ADCY8: variants seen among roughly 807,000 people sequenced by gnomAD.
ADCY8 encodes the protein adenylate cyclase 8.
Under a neutral mutation model 119.7 loss-of-function variants are expected in ADCY8, and 51 were observed. That is an observed-to-expected ratio of 0.43 (90% CI 0.34 to 0.54). ADCY8 has a LOEUF of 0.54. Ranked by LOEUF, ADCY8 falls within the 20% of genes least tolerant of loss-of-function variation. The probability of loss-of-function intolerance (pLI) is 0.03; values close to 1 mark genes in which losing one functional copy is unlikely to be tolerated. For missense variants in ADCY8, 1,383 were observed against 1,598.8 expected, an observed-to-expected ratio of 0.87 and a Z score of 2.30; for synonymous variants, 665 against 651.0, an observed-to-expected ratio of 1.02 and a Z score of -0.33.
intron 2 of ADCY8, among the ~76,000 whole-genome samples, chr8:130,960,880 C>T (rs1259401198): frequency 2.6e-5 from 4 of 152,112 alleles, no homozygotes; most frequent in East Asian, 3.9e-4. Context: ...TTCTCATAGG[C>T]AGGCCAATCC....
chr8:130,831,619 C>T (rs1268681599), intron 12 of ADCY8, among the ~76,000 whole-genome samples: 2 of 152,126 alleles, frequency 1.3e-5, no homozygotes, highest in Non-Finnish European at 2.9e-5. Flanking sequence ...TAAATGTTGA[C>T]CTGTGTAGTA....
chr8:130,948,821 G>A (rs1167603850), intron 3 of ADCY8, among the ~76,000 whole-genome samples: 1 of 152,020 alleles, frequency 6.6e-6, no homozygotes, highest in Non-Finnish European at 1.5e-5. Context: ...TCCGACTTGG[G>A]CTAGGGACCG....
intron 1 of ADCY8, 144 bp downstream of exon 1, chr8:131,039,230 C>A: frequency 8.3e-7 from 1 of 1,209,590 alleles, no homozygotes; most frequent in East Asian, 2.4e-5. Context: ...CGCTAACACT[C>A]AAGACCTCCT....
intron 2 of ADCY8, among the ~76,000 whole-genome samples, chr8:130,987,059 C>A (rs1204695894): frequency 6.6e-6 from 1 of 152,168 alleles, no homozygotes; most frequent in Non-Finnish European, 1.5e-5. Flanking sequence ...TTATTGGGCT[C>A]TCTCTCTACA....
intron 13 of ADCY8, among the ~76,000 whole-genome samples, chr8:130,819,872 A>G (rs1816454455): frequency 6.6e-6 from 1 of 152,204 alleles, no homozygotes; most frequent in African/African-American, 2.4e-5. Flanking sequence ...GTCAAAGCAT[A>G]TTGCAAGATG....
intron 11 of ADCY8, among the ~76,000 whole-genome samples, chr8:130,842,819 C>A (rs1384862355): frequency 1.3e-5 from 2 of 148,440 alleles, no homozygotes; most frequent in Admixed American, 6.9e-5. Context: ...TTGTAGTGAG[C>A]CGAGATTGCA....
At chr8:130,961,336 C>A (rs1821597400) in intron 2 of ADCY8, among the ~76,000 whole-genome samples, 2 of 152,070 alleles carry the variant, frequency 1.3e-5, no homozygotes, top group Admixed American at 6.6e-5. Context: ...TCTTGAACTC[C>A]TGACCTCAAG....
intron 2 of ADCY8, among the ~76,000 whole-genome samples, chr8:130,983,443 A>C (rs936595618): frequency 6.6e-6 from 1 of 152,146 alleles, no homozygotes; most frequent in African/African-American, 2.4e-5. Flanking sequence ...TAAAGGCCAC[A>C]CTCCAGGGGC....
At chr8:130,850,104 C>T (rs1817471334) in intron 9 of ADCY8, among the ~76,000 whole-genome samples, 1 of 152,116 alleles carries the variant, frequency 6.6e-6, no homozygotes, top group South Asian at 2.1e-4. Flanking sequence ...CAACACACCA[C>T]TCTAGTTTGA....
chr8:130,884,557 G>A lies in ADCY8; in HGVS notation c.2109+7C>T. 1 of 1,613,558 alleles carries A rather than the reference G, an allele frequency of 6.2e-7. No individual in the cohort carries two copies. The highest frequency in any genetic ancestry group is 1.1e-5 in the South Asian group (1 of 91,074). On this transcript the variant is annotated splice_region_variant and intron_variant, in intron 8 of 17. Coordinates refer to ENST00000286355, the MANE Select transcript of ADCY8 (RefSeq NM_001115.3). The stretch of plus-strand genomic sequence containing the variant: ...GAAAAAGAGCCGCTGTGGAGACCCA[G>A]CTCTACCTTGTGCTCCAGGCTGGAG...
chr8:130,858,857 G>T (rs1288072770), intron 9 of ADCY8, among the ~76,000 whole-genome samples: 2 of 151,822 alleles, frequency 1.3e-5, no homozygotes, highest in Non-Finnish European at 2.9e-5. Context: ...GGGCTCTTTT[G>T]TTGGTTCCTG....
intron 15 of ADCY8, among the ~76,000 whole-genome samples, chr8:130,791,399 G>C (rs1172292134): frequency 6.6e-6 from 1 of 152,238 alleles, no homozygotes; most frequent in Non-Finnish European, 1.5e-5. Flanking sequence ...CCGGTAAGCG[G>C]AGTGGGCTGG....
At chr8:131,032,991 G>A (rs1481403517) in intron 1 of ADCY8, among the ~76,000 whole-genome samples, 2 of 152,136 alleles carry the variant, frequency 1.3e-5, no homozygotes, top group South Asian at 4.1e-4. Flanking sequence ...TAATCTTCAT[G>A]TTCTGTTACT....
At chr8:130,847,149 AAAGG>A (rs1817355585) in intron 11 of ADCY8, among the ~76,000 whole-genome samples, 1 of 152,076 alleles carries the variant, frequency 6.6e-6, no homozygotes, top group Non-Finnish European at 1.5e-5. Flanking sequence ...AAAAGGAAGA[AAAGG>A]AAGAGAAAGA....
chr8:130,869,817 G>A (rs115635786), intron 8 of ADCY8, among the ~76,000 whole-genome samples: 1,827 of 151,558 alleles, frequency 0.012, 17 homozygotes, highest in African/African-American at 0.02. Context: ...GCACCCGGCC[G>A]GCTACTGGTT....
rs962165832 is a variant in ADCY8, at chr8:130,975,531, G to A, written c.1110+14862C>T. The stretch of plus-strand genomic sequence containing the variant: ...ACTCTGGGGACACTAAGAGTGACAC[G>A]GGGGATGGGGAAAGGGTACCAGTTG... On this transcript the variant is annotated intron_variant, in intron 2 of 17. Transcript: ENST00000286355. Among the ~76,000 whole-genome samples, 5 of 152,182 alleles carry A rather than the reference G, an allele frequency of 3.3e-5. No individual in the cohort carries two copies. The East Asian group carries it at 5.8e-4, about 18-fold the overall frequency.
intron 8 of ADCY8, among the ~76,000 whole-genome samples, chr8:130,881,106 A>G (rs1818754108): frequency 1.3e-5 from 2 of 152,192 alleles, no homozygotes; most frequent in South Asian, 2.1e-4. Context: ...CTGAAACTCC[A>G]CTAAAAAGAG....
chr8:130,873,099 G>T (rs896716576), intron 8 of ADCY8, among the ~76,000 whole-genome samples: 3 of 152,184 alleles, frequency 2.0e-5, no homozygotes, highest in Non-Finnish European at 4.4e-5. Context: ...CGTTTACAGA[G>T]GTGATGGACA....
At chr8:130,927,956 C>T (rs1243144594) in intron 5 of ADCY8, among the ~76,000 whole-genome samples, 1 of 152,150 alleles carries the variant, frequency 6.6e-6, no homozygotes, top group African/African-American at 2.4e-5. Flanking sequence ...CTCTGTTGCC[C>T]AGGCTGGTGT....
Sources: allele counts gnomAD v4.1 joint callset (sites outside exome capture counted in the v4.1 genomes callset), GRCh38; gene constraint gnomAD v4.1.1; transcripts MANE v1.5; gene names NCBI Gene and HGNC (gene_info 2026-07-23, HGNC 2026-07-21).